The following ARHGEF7 variants were observed in gnomAD, a reference collection of about 807,000 sequenced individuals.
ARHGEF7 encodes the protein PAK-interacting exchange factor beta.
Under a neutral mutation model 109.8 loss-of-function variants are expected in ARHGEF7, and 33 were observed. The ratio of observed to expected loss-of-function variants is 0.30; its 90% CI spans 0.23 to 0.40. The LOEUF (loss-of-function observed/expected upper bound fraction) is 0.40, where lower values mean the gene tolerates loss of function less well. Ranked by LOEUF, ARHGEF7 falls within the 10% of genes least tolerant of loss-of-function variation. ARHGEF7 has a pLI of 1.00. For missense variants in ARHGEF7, 938 were observed against 1,098.5 expected (o/e 0.85, Z 2.07); for synonymous variants, 458 against 424.6 (o/e 1.08, Z -0.97).
intron 19 of ARHGEF7, chr13:111,295,033 T>G (rs569577752): frequency 1.0e-6 from 1 of 985,736 alleles, no homozygotes; most frequent in African/African-American, 1.7e-5. Context: ...TTTTAGTAGG[T>G]GACTACCATT....
intron 1 of ARHGEF7, among the ~76,000 whole-genome samples, chr13:111,132,857 G>C (rs1296285861): frequency 6.6e-6 from 1 of 151,912 alleles, no homozygotes; most frequent in African/African-American, 2.4e-5. Context: ...GGTGGGTAGA[G>C]AGTGTTATTG....
chr13:111,218,817 T>A (rs2083454287), intron 5 of ARHGEF7, among the ~76,000 whole-genome samples: 1 of 151,984 alleles, frequency 6.6e-6, no homozygotes, highest in South Asian at 2.1e-4. Flanking sequence ...CAGGGAATGT[T>A]AATGGCTGCT....
chr13:111,184,756 A>G (rs2079082734), intron 2 of ARHGEF7, among the ~76,000 whole-genome samples: 1 of 152,166 alleles, frequency 6.6e-6, no homozygotes, highest in Non-Finnish European at 1.5e-5. Flanking sequence ...ATAAAAGCCC[A>G]GTTGACTGGC....
intron 8 of ARHGEF7, among the ~76,000 whole-genome samples, chr13:111,260,019 G>C (rs1934114339): frequency 6.6e-6 from 1 of 152,108 alleles, no homozygotes; most frequent in South Asian, 2.1e-4. Flanking sequence ...TCAAGCAGAG[G>C]AAAGAATTAG....
rs548696202 is a variant in ARHGEF7, at chr13:111,133,651, A to G, written c.165+17960A>G. On this transcript the variant is annotated intron_variant, in intron 1 of 21. Transcript: ENST00000646102. Reference sequence around the variant, plus strand: ...TGTCTAGGTGGTTATATGGTTTGTAAATTTGGGTGTATGTGAGACTGCCCA... The same window carrying G: ...TGTCTAGGTGGTTATATGGTTTGTAGATTTGGGTGTATGTGAGACTGCCCA... Among the ~76,000 whole-genome samples, 8 of 149,806 alleles carry G rather than the reference A, an allele frequency of 5.3e-5. No individual in the cohort carries two copies. The South Asian group carries it at 8.6e-4, about 16-fold the overall frequency.
intron 1 of ARHGEF7, among the ~76,000 whole-genome samples, chr13:111,151,311 C>A (rs1464417246): frequency 6.6e-6 from 1 of 152,194 alleles, no homozygotes; most frequent in African/African-American, 2.4e-5. Context: ...GCAGAACCTG[C>A]CTTGCCTGCA....
intron 2 of ARHGEF7, among the ~76,000 whole-genome samples, chr13:111,200,399 T>C (rs757135974): frequency 1.3e-5 from 2 of 152,148 alleles, no homozygotes; most frequent in Non-Finnish European, 2.9e-5. Flanking sequence ...CTTTCTCTCG[T>C]TTTCTGTTCA....
At chr13:111,210,138 G>T (rs1438757855) in intron 4 of ARHGEF7, 136 bp downstream of exon 4, 1 of 1,155,580 alleles carries the variant, frequency 8.7e-7, no homozygotes, top group Non-Finnish European at 1.2e-6. Flanking sequence ...CCTCCGTTGT[G>T]CCTGTAATCT....
intron 2 of ARHGEF7, among the ~76,000 whole-genome samples, chr13:111,196,179 A>G (rs2080478355): frequency 6.6e-6 from 1 of 152,186 alleles, no homozygotes; most frequent in Non-Finnish European, 1.5e-5. Context: ...TGAATAATTA[A>G]TGGGCTTTTT....
intron 2 of ARHGEF7, chr13:111,185,026 A>G (rs935157230): frequency 6.6e-6 from 1 of 151,504 alleles, no homozygotes; most frequent in Non-Finnish European, 1.5e-5. Flanking sequence ...TTTTTTCCTC[A>G]GAGACTGTTG....
chr13:111,123,330 C>G (rs1392643053), intron 1 of ARHGEF7, among the ~76,000 whole-genome samples: 1 of 152,206 alleles, frequency 6.6e-6, no homozygotes, highest in Non-Finnish European at 1.5e-5. Context: ...CTGGACCTAT[C>G]CACAGCCAGC....
chr13:111,292,503 A>C, intron 19 of ARHGEF7: 1 of 1,428,224 alleles, frequency 7.0e-7, no homozygotes. Flanking sequence ...GCGAGTATAC[A>C]TTCGAATGAC....
intron 16 of ARHGEF7, 129 bp downstream of exon 16, chr13:111,283,492 G>GGTCT (rs2092880968): frequency 7.2e-7 from 1 of 1,398,352 alleles, no homozygotes; most frequent in African/African-American, 1.4e-5. Flanking sequence ...GAGAAGGGGG[G>GGTCT]GTCTGCCTTG....
At chr13:111,233,414 C>A in intron 6 of ARHGEF7, 121 bp downstream of exon 6, 1 of 767,450 alleles carries the variant, frequency 1.3e-6, no homozygotes, top group South Asian at 1.5e-5. Context: ...CATTCATCTG[C>A]CACACAAATG....
intron 2 of ARHGEF7, among the ~76,000 whole-genome samples, chr13:111,204,363 G>A (rs1186941485): frequency 6.6e-6 from 1 of 152,178 alleles, no homozygotes; most frequent in African/African-American, 2.4e-5. Context: ...GTATCTTTCT[G>A]TTATTGGCAC....
chr13:111,280,788 G>A (rs527287753), intron 15 of ARHGEF7, 111 bp downstream of exon 15: 2 of 1,245,700 alleles, frequency 1.6e-6, no homozygotes, highest in East Asian at 2.5e-5. Flanking sequence ...TGGATAAAAA[G>A]TGCAAAACAC....
intron 4 of ARHGEF7, among the ~76,000 whole-genome samples, chr13:111,213,176 C>A (rs1260266908): frequency 1.3e-5 from 2 of 152,062 alleles, no homozygotes; most frequent in African/African-American, 4.8e-5. Flanking sequence ...TGATTAATAT[C>A]CAAGATACTG....
At chr13:111,218,434 C>T (rs754157287) in intron 5 of ARHGEF7, among the ~76,000 whole-genome samples, 2 of 152,086 alleles carry the variant, frequency 1.3e-5, no homozygotes, top group Non-Finnish European at 2.9e-5. Flanking sequence ...GCTATGGCTG[C>T]CGGGCTGTCG....
At chr13:111,186,961 T>C (rs1299292963) in intron 2 of ARHGEF7, 2 of 985,578 alleles carry the variant, frequency 2.0e-6, no homozygotes, top group Non-Finnish European at 2.4e-6. Context: ...AGCGCTACCA[T>C]GGAGGCAGGA....
Sources: allele counts gnomAD v4.1 joint callset (sites outside exome capture counted in the v4.1 genomes callset), GRCh38; gene constraint gnomAD v4.1.1; transcripts MANE v1.5; gene names NCBI Gene and HGNC (gene_info 2026-07-23, HGNC 2026-07-21).